The following DGKB variants were observed in gnomAD, a reference collection of about 807,000 sequenced individuals.
DGKB encodes diacylglycerol kinase beta.
A neutral mutation model predicts 114.3 loss-of-function variants in DGKB; 67 were observed. The observed-to-expected ratio is 0.59, with a 90% CI of 0.48 to 0.72. The LOEUF (loss-of-function observed/expected upper bound fraction) is 0.72, where lower values mean the gene tolerates loss of function less well. Ranked by LOEUF, DGKB falls within the 30% of genes least tolerant of loss-of-function variation. The pLI, the probability that DGKB is intolerant of heterozygous loss-of-function variation, is 0.00. For synonymous variants in DGKB, 398 were observed against 323.1 expected (o/e 1.23, Z -2.49); for missense variants, 907 against 975.2 (o/e 0.93, Z 0.93).
At chr7:14,816,478 T>C (rs1844173391) in intron 2 of DGKB, 2 of 152,306 alleles carry the variant, frequency 1.3e-5, no homozygotes, top group South Asian at 4.1e-4. Context: ...GATCATTGCT[T>C]TTAGTCTCTA....
In DGKB at chr7:14,555,693, G is replaced by C. The variant is rs1380640439; in HGVS notation, c.1770+18519C>G. On this transcript the variant is annotated intron_variant, in intron 20 of 25. Transcript: ENST00000402815. ...AGAATGAGATACAAGGTTGGTACAA[G>C]ATACAGGTCATAAAGACCTTGCTGA... is the stretch of plus-strand genomic sequence containing the variant. 2.6e-5 allele frequency among the ~76,000 whole-genome samples: 4 copies of C among 152,232 alleles called. No individual in the cohort carries two copies. The East Asian group carries it at 7.7e-4, about 29-fold the overall frequency.
intron 5 of DGKB, among the ~76,000 whole-genome samples, chr7:14,729,747 A>T (rs1485461965): frequency 6.6e-6 from 1 of 152,180 alleles, no homozygotes; most frequent in African/African-American, 2.4e-5. Flanking sequence ...GTCAGTTCAA[A>T]AGTGGTTTAC....
rs1194469425 is a variant in DGKB, at chr7:14,170,401, A to T, written c.2304+6438T>A. On this transcript the variant is annotated intron_variant, in intron 25 of 25. Coordinates refer to ENST00000402815, the MANE Select transcript of DGKB (RefSeq NM_001350709.2). ...ACTGACATCTTAGGGTTGCTGTGGA[A>T]ATTAAATAAGTAATAAACATGTACA... Among the ~76,000 whole-genome samples the T allele has an allele frequency of 3.9e-5, 6 of 152,088 alleles. No homozygotes were observed. In the East Asian group the frequency reaches 1.2e-3, roughly 29 times the overall value.
At chr7:14,157,587 A>C (rs1783206094) in intron 25 of DGKB, among the ~76,000 whole-genome samples, 1 of 152,196 alleles carries the variant, frequency 6.6e-6, no homozygotes, top group Non-Finnish European at 1.5e-5. Context: ...TATTCCTGAA[A>C]GTGATGGACT....
chr7:14,635,860 T>C (rs545213342), intron 13 of DGKB, among the ~76,000 whole-genome samples: 1 of 151,684 alleles, frequency 6.6e-6, no homozygotes, highest in African/African-American at 2.4e-5. Flanking sequence ...TATCTCCCTA[T>C]AAAAACGAGA....
chr7:14,262,292 A>T (rs1796893629), intron 23 of DGKB, among the ~76,000 whole-genome samples: 2 of 152,172 alleles, frequency 1.3e-5, no homozygotes, highest in South Asian at 4.1e-4. Context: ...TCATATGTTA[A>T]ATGTGATAGC....
chr7:14,694,644 T>G (rs1585718792), intron 8 of DGKB, among the ~76,000 whole-genome samples: 1 of 152,072 alleles, frequency 6.6e-6, no homozygotes, highest in East Asian at 1.9e-4. Flanking sequence ...TTTAATAGAG[T>G]CGAGAAGTTA....
At chr7:14,687,503 G>A (rs1821925381) in intron 9 of DGKB, among the ~76,000 whole-genome samples, 1 of 151,934 alleles carries the variant, frequency 6.6e-6, no homozygotes, top group East Asian at 1.9e-4. Context: ...GCTTTATCAC[G>A]TGAATAGAAT....
intron 18 of DGKB, among the ~76,000 whole-genome samples, chr7:14,582,615 A>G (rs1159449942): frequency 1.3e-5 from 2 of 151,648 alleles, no homozygotes; most frequent in Non-Finnish European, 2.9e-5. Context: ...AAAATTAGCT[A>G]TGATGATGAT....
chr7:14,752,063 A>G (rs1834205051), intron 4 of DGKB, among the ~76,000 whole-genome samples: 2 of 152,158 alleles, frequency 1.3e-5, no homozygotes, highest in Admixed American at 1.3e-4. Context: ...TGAACAAACT[A>G]AAGATAGAAA....
chr7:14,772,930 G>T (rs954034669), intron 2 of DGKB, among the ~76,000 whole-genome samples: 1 of 150,098 alleles, frequency 6.7e-6, no homozygotes, highest in Non-Finnish European at 1.5e-5. Flanking sequence ...ACATCTTCCA[G>T]CTTTCTCTTT....
chr7:14,874,943 G>GT (rs1562785252), intron 1 of DGKB, among the ~76,000 whole-genome samples: 1 of 151,892 alleles, frequency 6.6e-6, no homozygotes, highest in African/African-American at 2.4e-5. Context: ...TTTTGCTAGC[G>GT]TAACGGGGAA....
At chr7:14,242,816 G>C (rs6954527) in intron 23 of DGKB, among the ~76,000 whole-genome samples, 1 of 151,242 alleles carries the variant, frequency 6.6e-6, no homozygotes, top group African/African-American at 2.4e-5. Flanking sequence ...TTTGATGAAA[G>C]TGTCGGCAGC....
intron 21 of DGKB, among the ~76,000 whole-genome samples, chr7:14,437,059 T>A (rs1829388836): frequency 6.6e-6 from 1 of 152,162 alleles, no homozygotes; most frequent in African/African-American, 2.4e-5. Flanking sequence ...TTTATGTGTT[T>A]TAGCAGTAAA....
chr7:14,927,784 TAAC>T (rs1205089455), intron 1 of DGKB, among the ~76,000 whole-genome samples: 1 of 151,952 alleles, frequency 6.6e-6, no homozygotes, highest in Non-Finnish European at 1.5e-5. Context: ...CAAAACATGA[TAAC>T]AAGTTGTACA....
At chr7:14,515,485 T>C (rs1243970799) in intron 20 of DGKB, among the ~76,000 whole-genome samples, 1 of 152,194 alleles carries the variant, frequency 6.6e-6, no homozygotes, top group Non-Finnish European at 1.5e-5. Context: ...CAATCTAACA[T>C]GTTTAATAAT....
At chr7:14,625,093 G>C (rs1808338639) in intron 14 of DGKB, among the ~76,000 whole-genome samples, 1 of 152,018 alleles carries the variant, frequency 6.6e-6, no homozygotes, top group East Asian at 1.9e-4. Flanking sequence ...AGAATTATGA[G>C]AAAGAGGTAT....
chr7:14,645,596 A>C (rs939953452), intron 13 of DGKB, among the ~76,000 whole-genome samples: 1 of 152,104 alleles, frequency 6.6e-6, no homozygotes, highest in African/African-American at 2.4e-5. Flanking sequence ...AAGAGAAAAG[A>C]ATCAAGTCAC....
chr7:14,195,492 C>T (rs1562587022), intron 23 of DGKB, among the ~76,000 whole-genome samples: 1 of 152,114 alleles, frequency 6.6e-6, no homozygotes, highest in Non-Finnish European at 1.5e-5. Context: ...AGCAAACAAA[C>T]AAATATTCAG....
Sources: gnomAD v4.1 joint callset for allele counts (sites outside exome capture counted in the v4.1 genomes callset) on GRCh38, gnomAD v4.1.1 for gene constraint, MANE v1.5 for transcripts, NCBI Gene and HGNC (gene_info 2026-07-23, HGNC 2026-07-21) for gene names.